RARB: variants seen among roughly 807,000 people sequenced by gnomAD.
RARB encodes retinoic acid receptor beta.
A neutral mutation model predicts 51.9 loss-of-function variants in RARB; 17 were observed. That is an observed-to-expected ratio of 0.33 (90% CI 0.22 to 0.49). The LOEUF (loss-of-function observed/expected upper bound fraction) is 0.49. Ranked by LOEUF, RARB falls within the 20% of genes least tolerant of loss-of-function variation. The pLI is 0.99. For missense variants in RARB, 369 were observed against 550.8 expected, an observed-to-expected ratio of 0.67 and a Z score of 3.30; for synonymous variants, 215 against 195.4, an observed-to-expected ratio of 1.10 and a Z score of -0.84.
chr3:25,366,687 T>C (rs1214831317), intron 5 of RARB, among the ~76,000 whole-genome samples: 1 of 152,250 alleles, frequency 6.6e-6, no homozygotes, highest in East Asian at 1.9e-4. Context: ...GACTTGTTCT[T>C]ATCAATCTAT....
chr3:25,076,208 C>G (rs1189608223), intron 3 of RARB, among the ~76,000 whole-genome samples: 1 of 151,152 alleles, frequency 6.6e-6, no homozygotes, highest in East Asian at 1.9e-4. Context: ...GTGGTGTGAT[C>G]TGGCTCACCG....
chr3:25,506,239 TGA>T (rs1186805199), intron 3 of RARB, among the ~76,000 whole-genome samples: 1 of 103,618 alleles, frequency 9.7e-6, no homozygotes, highest in African/African-American at 4.1e-5. Context: ...GGCGACAGGG[TGA>T]GACTCCATCT....
intron 3 of RARB, among the ~76,000 whole-genome samples, chr3:25,115,493 C>T (rs1699670085): frequency 6.6e-6 from 1 of 152,052 alleles, no homozygotes; most frequent in Non-Finnish European, 1.5e-5. Context: ...AAGAAGTAGT[C>T]AGCATTTCTA....
intron 2 of RARB, among the ~76,000 whole-genome samples, chr3:24,984,650 T>C (rs899944960): frequency 2.6e-5 from 4 of 152,214 alleles, no homozygotes; most frequent in Non-Finnish European, 4.4e-5. Context: ...ATTTATGTAT[T>C]TTGAATAAAT....
intron 5 of RARB, among the ~76,000 whole-genome samples, chr3:25,203,313 G>C (rs930538095): frequency 6.6e-6 from 1 of 152,060 alleles, no homozygotes; most frequent in Non-Finnish European, 1.5e-5. Context: ...TTAATTTTGA[G>C]GCTATGTGTG....
At chr3:24,933,687 T>C (rs900524066) in intron 2 of RARB, among the ~76,000 whole-genome samples, 6 of 152,148 alleles carry the variant, frequency 3.9e-5, no homozygotes, top group Admixed American at 2.6e-4. Context: ...AGCAACCTTA[T>C]TCTTCATAAA....
chr3:25,441,912 C>A (rs1401084222), intron 1 of RARB, among the ~76,000 whole-genome samples: 2 of 152,000 alleles, frequency 1.3e-5, no homozygotes, highest in African/African-American at 4.8e-5. Context: ...ATGGTTGAAC[C>A]CACATGTATG....
intron 2 of RARB, among the ~76,000 whole-genome samples, chr3:25,488,845 T>G (rs780160196): frequency 6.6e-6 from 1 of 152,184 alleles, no homozygotes; most frequent in Non-Finnish European, 1.5e-5. Flanking sequence ...CCTACATCCA[T>G]TAGGCTGCCT....
chr3:24,834,333 G>C (rs1702315715), intron 1 of RARB, among the ~76,000 whole-genome samples: 1 of 152,078 alleles, frequency 6.6e-6, no homozygotes, highest in Non-Finnish European at 1.5e-5. Flanking sequence ...ATCTTGAATA[G>C]CCTGTTTTTT....
chr3:25,120,988 G>A (rs958130324), intron 3 of RARB, among the ~76,000 whole-genome samples: 6 of 152,096 alleles, frequency 3.9e-5, no homozygotes, highest in African/African-American at 9.7e-5. Context: ...GAAAAAGTTG[G>A]CCAGCTCCTG....
At chr3:25,369,376 G>A (rs1706231084) in intron 5 of RARB, among the ~76,000 whole-genome samples, 1 of 152,062 alleles carries the variant, frequency 6.6e-6, no homozygotes, top group Admixed American at 6.5e-5. Context: ...CATGTGCCAG[G>A]CACTATTCAA....
intron 5 of RARB, among the ~76,000 whole-genome samples, chr3:25,297,865 T>C (rs1181137151): frequency 6.6e-6 from 1 of 152,188 alleles, no homozygotes; most frequent in African/African-American, 2.4e-5. Flanking sequence ...CTTTTTGAAA[T>C]GACAGATGGG....
chr3:25,580,778 AG>A (rs1014004493), intron 5 of RARB, 56 bp downstream of exon 5: 3 of 1,457,684 alleles, frequency 2.1e-6, no homozygotes, highest in Non-Finnish European at 1.9e-6. Context: ...GGCACCGTGG[AG>A]GGGAGGGAGG....
At chr3:25,088,434 A>G (rs1327952107) in intron 3 of RARB, among the ~76,000 whole-genome samples, 4 of 152,116 alleles carry the variant, frequency 2.6e-5, no homozygotes, top group Non-Finnish European at 4.4e-5. Flanking sequence ...ACTTTGATTT[A>G]TAACTGTATA....
At chr3:25,160,994 T>C (rs1700464163) in intron 4 of RARB, among the ~76,000 whole-genome samples, 1 of 152,038 alleles carries the variant, frequency 6.6e-6, no homozygotes. Flanking sequence ...GATAATCCAG[T>C]ATCATCTCCT....
At chr3:25,085,805 A>C (rs1021013108) in intron 3 of RARB, among the ~76,000 whole-genome samples, 1 of 152,170 alleles carries the variant, frequency 6.6e-6, no homozygotes, top group Non-Finnish European at 1.5e-5. Context: ...CTATTGAAAT[A>C]ATCTAAACTG....
At chr3:24,926,267 T>G (rs923102107) in intron 2 of RARB, among the ~76,000 whole-genome samples, 1 of 152,058 alleles carries the variant, frequency 6.6e-6, no homozygotes, top group Non-Finnish European at 1.5e-5. Flanking sequence ...TGAGATAAAT[T>G]GCGGTGGAGA....
intron 2 of RARB, among the ~76,000 whole-genome samples, chr3:25,059,843 G>T (rs1276565696): frequency 6.6e-6 from 1 of 151,758 alleles, no homozygotes; most frequent in Non-Finnish European, 1.5e-5. Flanking sequence ...GTAGTCTTAG[G>T]TTGGTAAATA....
chr3:24,998,492 T>TAA (rs573159333), intron 2 of RARB, among the ~76,000 whole-genome samples: 1 of 147,286 alleles, frequency 6.8e-6, no homozygotes, highest in African/African-American at 2.5e-5. Context: ...CTTGCTGCCT[T>TAA]AAAAAAAAAA....
Sources: allele counts gnomAD v4.1 joint callset (sites outside exome capture counted in the v4.1 genomes callset), GRCh38; gene constraint gnomAD v4.1.1; transcripts MANE v1.5; gene names NCBI Gene and HGNC (gene_info 2026-07-23, HGNC 2026-07-21).